The following SRD5A1 variants were observed in gnomAD, a reference collection of about 807,000 sequenced individuals.
SRD5A1 encodes the protein 3-oxo-5-alpha-steroid 4-dehydrogenase 1.
In SRD5A1, 22 loss-of-function variants were observed where a neutral mutation model predicts 28.2. The ratio of observed to expected loss-of-function variants is 0.78; its 90% CI spans 0.56 to 1.12. The LOEUF (loss-of-function observed/expected upper bound fraction) is 1.12, where lower values mean the gene tolerates loss of function less well. SRD5A1 is among the 50% of genes most tolerant of loss of function. SRD5A1 has a pLI of 0.00. For synonymous variants in SRD5A1, 151 were observed against 135.0 expected (o/e 1.12, Z -0.82); for missense variants, 300 against 346.7 (o/e 0.87, Z 1.07).
Position 6,670,751 on chromosome 5 carries a change from AC to A in SRD5A1, c.*2484del, listed in dbSNP as rs1176905958. On this transcript the variant is annotated 3_prime_UTR_variant, in exon 5 of 5. Coordinates refer to ENST00000274192, the MANE Select transcript of SRD5A1 (RefSeq NM_001047.4). ...GAAGGGACCCTCACTTGTGTCTGAT[AC>A]AGCCATAATCTTCTCTATCGGCCAT... 3.9e-5 allele frequency: 6 copies of A among 152,258 alleles called. No homozygotes were observed. The highest frequency in any genetic ancestry group is 7.3e-5 in the Non-Finnish European group (5 of 68,050). The allele number at this position is 152,258 out of a possible 1,614,324, so 9.4% of individuals were successfully genotyped here.
Position 6,673,662 on chromosome 5 carries a change from C to T in SRD5A1, c.*5394C>T, listed in dbSNP as rs1381174277. On this transcript the variant is annotated 3_prime_UTR_variant, in exon 5 of 5. Transcript: ENST00000274192. The stretch of plus-strand genomic sequence containing the variant: ...TTATAGCAGCTTTACTCAAAATTGC[C>T]AAAAATTGGAAGCAACCAAGATGTC... 2 of 152,130 alleles carry T rather than the reference C, an allele frequency of 1.3e-5. No individual in the cohort carries two copies. The highest frequency in any genetic ancestry group is 2.4e-5 in the African/African-American group (1 of 41,424). The allele number at this position is 152,130 out of a possible 1,614,324, so 9.4% of individuals were successfully genotyped here.
intron 1 of SRD5A1, among the ~76,000 whole-genome samples, chr5:6,640,172 C>G (rs1738319024): frequency 6.6e-6 from 1 of 152,256 alleles, no homozygotes; most frequent in Non-Finnish European, 1.5e-5. Context: ...CTGTGATGTT[C>G]TCTGGCCATG....
At chr5:6,662,692 T>G in intron 3 of SRD5A1, 124 bp from the exon 4 acceptor site, 1 of 1,078,610 alleles carries the variant, frequency 9.3e-7, no homozygotes, top group South Asian at 1.5e-5. Flanking sequence ...TGATTAACAT[T>G]CTGTAAGGAT....
At chr5:6,654,468 C>T (rs1400393675) in intron 2 of SRD5A1, among the ~76,000 whole-genome samples, 1 of 151,680 alleles carries the variant, frequency 6.6e-6, no homozygotes, top group African/African-American at 2.4e-5. Context: ...TTGAGGCAGC[C>T]TGTCATCCAG....
chr5:6,651,879 C>G lies in SRD5A1; in HGVS notation c.331C>G (p.Pro111Ala), dbSNP rs201415010. The change falls in exon 2 of 5, where the codon CCT becomes GCT. Residue 111 changes from proline to alanine, a missense_variant. Transcript: ENST00000274192. ...IYPFLMRGGK[P>A]MPLLACTMAI... ...CCCATTTCTGATGCGAGGAGGAAAG[C>G]CTATGCCACTGTTGGCGTGTACAAT... The G allele has an allele frequency of 6.2e-7, 1 of 1,613,250 alleles. No homozygotes were observed. Among genetic ancestry groups the G allele is most frequent in the South Asian group, 1.1e-5 (1 of 90,976 alleles).
chr5:6,648,087 A>T (rs1304496892), intron 1 of SRD5A1, among the ~76,000 whole-genome samples: 1 of 152,216 alleles, frequency 6.6e-6, no homozygotes, highest in Non-Finnish European at 1.5e-5. Context: ...CTTTTCTTTC[A>T]GAATGTTGAA....
intron 1 of SRD5A1, among the ~76,000 whole-genome samples, chr5:6,640,098 C>T (rs928476960): frequency 2.6e-5 from 4 of 152,106 alleles, no homozygotes; most frequent in Admixed American, 2.0e-4. Context: ...CATGTCTCAA[C>T]GGGTCCTCAT....
intron 1 of SRD5A1, among the ~76,000 whole-genome samples, chr5:6,648,491 C>A (rs1359924278): frequency 6.6e-6 from 1 of 152,132 alleles, no homozygotes; most frequent in Non-Finnish European, 1.5e-5. Flanking sequence ...TCTAAGTCTT[C>A]TCGCTTTATT....
chr5:6,661,601 C>T (rs536796407), intron 3 of SRD5A1, among the ~76,000 whole-genome samples: 10 of 144,360 alleles, frequency 6.9e-5, no homozygotes, highest in Admixed American at 3.6e-4. Context: ...GGCACGATCT[C>T]GGCTCATTGC....
chr5:6,647,195 A>G (rs1738532798), intron 1 of SRD5A1, among the ~76,000 whole-genome samples: 1 of 152,158 alleles, frequency 6.6e-6, no homozygotes, highest in Admixed American at 6.6e-5. Context: ...TTTACTTCCA[A>G]CCATGTGGTC....
intron 1 of SRD5A1, among the ~76,000 whole-genome samples, chr5:6,647,167 G>T (rs1432482113): frequency 6.6e-6 from 1 of 152,114 alleles, no homozygotes; most frequent in Non-Finnish European, 1.5e-5. Flanking sequence ...CCATTCTTTT[G>T]CATTTGTTGA....
At position 6,668,360 on chromosome 5, in the gene SRD5A1, C is replaced by T. The variant is rs1275322713; in HGVS notation, c.*92C>T. Reference sequence around the variant, plus strand: ...AATAAGTTATATCTTTGTAATTTTCCTGCTACTTTATCATTTTCAAGATGT... The same window carrying T: ...AATAAGTTATATCTTTGTAATTTTCTTGCTACTTTATCATTTTCAAGATGT... On this transcript the variant is annotated 3_prime_UTR_variant, in exon 5 of 5. Coordinates refer to ENST00000274192, the MANE Select transcript of SRD5A1 (RefSeq NM_001047.4). The T allele has an allele frequency of 2.5e-6, 2 of 800,954 alleles. No homozygotes were observed. Among genetic ancestry groups the T allele is most frequent in the Non-Finnish European group, 3.8e-6 (2 of 520,284 alleles). The allele number at this position is 800,954 out of a possible 1,614,324, so 49.6% of individuals were successfully genotyped here.
chr5:6,642,291 A>G (rs886821634), intron 1 of SRD5A1, among the ~76,000 whole-genome samples: 2 of 152,236 alleles, frequency 1.3e-5, no homozygotes, highest in Non-Finnish European at 2.9e-5. Context: ...CCACATGTAT[A>G]TGATTTTAAT....
chr5:6,636,908 C>A (rs1738198501), intron 1 of SRD5A1, among the ~76,000 whole-genome samples: 1 of 152,056 alleles, frequency 6.6e-6, no homozygotes, highest in Non-Finnish European at 1.5e-5. Context: ...GACAGGCTGC[C>A]TGGAAGGGGA....
chr5:6,639,376 C>T (rs1305581026), intron 1 of SRD5A1, among the ~76,000 whole-genome samples: 1 of 152,192 alleles, frequency 6.6e-6, no homozygotes, highest in African/African-American at 2.4e-5. Context: ...CAGTTATTTA[C>T]CAGTTACTTG....
At chr5:6,639,771 A>G (rs929085694) in intron 1 of SRD5A1, among the ~76,000 whole-genome samples, 7 of 152,212 alleles carry the variant, frequency 4.6e-5, no homozygotes, top group Non-Finnish European at 1.0e-4. Context: ...GATACTTGTC[A>G]ATATTGTATG....
intron 1 of SRD5A1, among the ~76,000 whole-genome samples, chr5:6,648,579 C>T (rs1279088545): frequency 6.6e-6 from 1 of 152,200 alleles, no homozygotes. Context: ...GTATGCTTCA[C>T]GAAGTTCTTG....
At chr5:6,650,369 C>G (rs1738633561) in intron 1 of SRD5A1, among the ~76,000 whole-genome samples, 1 of 151,056 alleles carries the variant, frequency 6.6e-6, no homozygotes, top group South Asian at 2.1e-4. Flanking sequence ...CATGATTGCC[C>G]CACTGCACTC....
At chr5:6,638,316 A>G (rs4702374) in intron 1 of SRD5A1, among the ~76,000 whole-genome samples, 55,568 of 152,192 alleles carry the variant, frequency 0.37, 10,331 homozygotes, top group Middle Eastern at 0.49. Context: ...TCCATCTTAA[A>G]AAGAAGTCAT....
Sources: gnomAD v4.1 joint callset for allele counts (sites outside exome capture counted in the v4.1 genomes callset) on GRCh38, gnomAD v4.1.1 for gene constraint, MANE v1.5 for transcripts, NCBI Gene and HGNC (gene_info 2026-07-23, HGNC 2026-07-21) for gene names.